The following PDGFC variants were observed in gnomAD, a reference collection of about 807,000 sequenced individuals.
PDGFC encodes the protein platelet-derived growth factor C.
In PDGFC, 12 loss-of-function variants were observed where a neutral mutation model predicts 35.5. The ratio of observed to expected loss-of-function variants is 0.34; its 90% CI spans 0.22 to 0.55. The LOEUF (loss-of-function observed/expected upper bound fraction) is 0.55. PDGFC is among the 20% of genes least tolerant of loss of function. The pLI, the probability that PDGFC is intolerant of heterozygous loss-of-function variation, is 0.91. For missense variants in PDGFC, 322 were observed against 412.4 expected, an observed-to-expected ratio of 0.78 and a Z score of 1.90; for synonymous variants, 159 against 148.8, an observed-to-expected ratio of 1.07 and a Z score of -0.50.
chr4:156,827,311 G>A (rs917454024), intron 2 of PDGFC, among the ~76,000 whole-genome samples: 4 of 151,976 alleles, frequency 2.6e-5, no homozygotes, highest in African/African-American at 9.7e-5. Context: ...CAGCTACTCG[G>A]GAGGCTGAGG....
At chr4:156,910,267 T>TCC (rs1243538587) in intron 1 of PDGFC, among the ~76,000 whole-genome samples, 1 of 152,164 alleles carries the variant, frequency 6.6e-6, no homozygotes, top group Non-Finnish European at 1.5e-5. Flanking sequence ...GTGCACAATG[T>TCC]CCCTTAAACC....
intron 3 of PDGFC, among the ~76,000 whole-genome samples, chr4:156,798,023 C>A (rs556212351): frequency 6.6e-6 from 1 of 152,186 alleles, no homozygotes; most frequent in South Asian, 2.1e-4. Flanking sequence ...AACCCTGTCT[C>A]TACCAAAAAT....
chr4:156,889,958 T>A (rs1472881784), intron 1 of PDGFC, among the ~76,000 whole-genome samples: 2 of 152,210 alleles, frequency 1.3e-5, no homozygotes, highest in African/African-American at 4.8e-5. Flanking sequence ...TGTGGTAACT[T>A]ATTTGATTGA....
intron 1 of PDGFC, among the ~76,000 whole-genome samples, chr4:156,858,122 C>G (rs958117322): frequency 6.6e-6 from 1 of 152,028 alleles, no homozygotes; most frequent in Non-Finnish European, 1.5e-5. Context: ...TATTATTATG[C>G]GTGCCACTAT....
At position 156,761,267 on chromosome 4, in the gene PDGFC, C is replaced by A. The variant is rs1483369335; in HGVS notation, c.*1823G>T. On this transcript the variant is annotated 3_prime_UTR_variant, in exon 6 of 6. Coordinates refer to ENST00000502773, the MANE Select transcript of PDGFC (RefSeq NM_016205.3). ...CATGCACCAAATCAATTTATGCTCA[C>A]CCCATTTAGTAGTTGCCAGTGACAA... 1 of 152,148 alleles carries A rather than the reference C, an allele frequency of 6.6e-6. No individual in the cohort carries two copies. Among genetic ancestry groups the A allele is most frequent in the East Asian group, 1.9e-4 (1 of 5,192 alleles). 9.4% of individuals were successfully genotyped at this position (152,148 alleles called of 1,614,324 possible). A position where few individuals can be genotyped will look rare whatever the true frequency, so the allele number is the denominator to read the frequency against.
chr4:156,824,855 T>C (rs560720204), intron 2 of PDGFC, among the ~76,000 whole-genome samples: 1 of 152,282 alleles, frequency 6.6e-6, no homozygotes, highest in East Asian at 1.9e-4. Flanking sequence ...ATTAGTTTTA[T>C]AAAAACCTCA....
At chr4:156,945,342 CATATATATATATATATATAT>C (rs201167463) in intron 1 of PDGFC, among the ~76,000 whole-genome samples, 5,229 of 81,096 alleles carry the variant, frequency 0.064, 345 homozygotes, top group East Asian at 0.16. Flanking sequence ...CATATACATA[CATATATATATATATATATAT>C]ATATATATAT....
In PDGFC at chr4:156,970,919, G is replaced by C. The variant is rs1045424867; in HGVS notation, c.-16C>G. 6 of 1,544,730 alleles carry C rather than the reference G, an allele frequency of 3.9e-6. No homozygotes were observed. The Admixed American group carries it at 6.7e-5, about 17-fold the overall frequency. On this transcript the variant is annotated 5_prime_UTR_variant, in exon 1 of 6. The change creates a premature stop within an existing upstream ORF in the 5' untranslated region. Transcript: ENST00000502773. ...AGAGGCTCATTTGGCTGACTGGGGT[G>C]AGAGCTCACTCACGGCGGGCACTTT...
chr4:156,970,585 T>A (rs749271937), intron 1 of PDGFC, among the ~76,000 whole-genome samples: 3 of 152,236 alleles, frequency 2.0e-5, no homozygotes, highest in African/African-American at 7.2e-5. Flanking sequence ...GTTGCCCTCT[T>A]GGAGCTTTGT....
chr4:156,770,479 G>GA (rs1185088236), intron 4 of PDGFC: 3 of 151,264 alleles, frequency 2.0e-5, no homozygotes, highest in Non-Finnish European at 4.4e-5. Flanking sequence ...TAGTACTTTT[G>GA]GGGGGGGAAG....
At chr4:156,917,401 A>C (rs887940628) in intron 1 of PDGFC, among the ~76,000 whole-genome samples, 2 of 152,224 alleles carry the variant, frequency 1.3e-5, no homozygotes, top group Non-Finnish European at 2.9e-5. Context: ...GATGGGCTTT[A>C]TCCAGCTACC....
chr4:156,770,040 T>C (rs898317447), intron 4 of PDGFC: 11 of 151,984 alleles, frequency 7.2e-5, no homozygotes, highest in African/African-American at 2.7e-4. Context: ...GAAAATGAGA[T>C]TGTATACGTT....
intron 3 of PDGFC, among the ~76,000 whole-genome samples, chr4:156,810,472 T>G (rs2110943350): frequency 6.6e-6 from 1 of 152,112 alleles, no homozygotes; most frequent in South Asian, 2.1e-4. Context: ...AAATTGTCAT[T>G]TTCAAAATTC....
intron 1 of PDGFC, among the ~76,000 whole-genome samples, chr4:156,903,104 A>AGAGAGAGTGTGT (rs368483475): frequency 7.7e-6 from 1 of 130,678 alleles, no homozygotes; most frequent in Admixed American, 7.9e-5. Context: ...AGAGAGAGAG[A>AGAGAGAGTGTGT]GTGTGTGTGT....
intron 2 of PDGFC, among the ~76,000 whole-genome samples, chr4:156,833,627 C>G (rs1456782308): frequency 1.3e-5 from 2 of 152,280 alleles, no homozygotes; most frequent in East Asian, 3.9e-4. Flanking sequence ...ACAGGAAAGA[C>G]AGTAACTTTT....
chr4:156,858,711 C>A (rs1729640484), intron 1 of PDGFC, among the ~76,000 whole-genome samples: 1 of 151,982 alleles, frequency 6.6e-6, no homozygotes, highest in African/African-American at 2.4e-5. Context: ...ATATTTGAAG[C>A]AGAATAATAC....
At chr4:156,842,027 T>C (rs540840137) in intron 2 of PDGFC, 2 of 152,262 alleles carry the variant, frequency 1.3e-5, no homozygotes, top group East Asian at 1.9e-4. Flanking sequence ...TCTCCTCTTC[T>C]CAGGTCCCAT....
intron 2 of PDGFC, among the ~76,000 whole-genome samples, chr4:156,818,304 T>C (rs937751280): frequency 6.6e-6 from 1 of 151,890 alleles, no homozygotes; most frequent in African/African-American, 2.4e-5. Flanking sequence ...GCAAGTCTAT[T>C]GGAACCATTT....
At chr4:156,894,395 C>A (rs1162179217) in intron 1 of PDGFC, among the ~76,000 whole-genome samples, 2 of 152,170 alleles carry the variant, frequency 1.3e-5, no homozygotes, top group African/African-American at 4.8e-5. Flanking sequence ...ATTTAAGTCT[C>A]TCTCCATAAA....
Sources: allele counts gnomAD v4.1 joint callset (sites outside exome capture counted in the v4.1 genomes callset), GRCh38; gene constraint gnomAD v4.1.1; transcripts MANE v1.5; gene names NCBI Gene and HGNC (gene_info 2026-07-23, HGNC 2026-07-21).